EMILIN2: variants seen among roughly 807,000 people sequenced by gnomAD.
The protein encoded by EMILIN2 is EMILIN-2.
In EMILIN2, 71 loss-of-function variants were observed where a neutral mutation model predicts 87.1. The observed-to-expected ratio is 0.82, with a 90% CI of 0.67 to 0.99. The LOEUF (loss-of-function observed/expected upper bound fraction) is 0.99, where lower values mean the gene tolerates loss of function less well. Ranked by LOEUF, EMILIN2 falls within the 50% of genes least tolerant of loss-of-function variation. EMILIN2 has a pLI of 0.00. For synonymous variants in EMILIN2, 581 were observed against 563.4 expected, an observed-to-expected ratio of 1.03 and a Z score of -0.44; for missense variants, 1,407 against 1,371.8, an observed-to-expected ratio of 1.03 and a Z score of -0.40.
chr18:2,879,994 A>G (rs528551730), intron 2 of EMILIN2, among the ~76,000 whole-genome samples: 14 of 152,302 alleles, frequency 9.2e-5, no homozygotes, highest in African/African-American at 3.4e-4. Flanking sequence ...GGCATGAGCC[A>G]CTGTGCCCAG....
At chr18:2,869,860 G>A (rs891341737) in intron 2 of EMILIN2, among the ~76,000 whole-genome samples, 1 of 151,660 alleles carries the variant, frequency 6.6e-6, no homozygotes, top group Non-Finnish European at 1.5e-5. Context: ...TACAGAGTGG[G>A]CAAAATAACT....
chr18:2,912,240 C>T (rs942320236), intron 7 of EMILIN2, among the ~76,000 whole-genome samples: 8 of 151,916 alleles, frequency 5.3e-5, no homozygotes, highest in African/African-American at 9.7e-5. Flanking sequence ...TGGGGTTATC[C>T]GTGTTGGCCA....
Position 2,890,748 on chromosome 18 carries a change from A to G in EMILIN2, c.621A>G (p.Gly207=). Residue 207 remains glycine (G), a synonymous_variant, in exon 4 of 8, where the codon GGA becomes GGG. Transcript: ENST00000254528. The surrounding 1 kb of genome is among the most constrained non-coding windows in gnomAD (Gnocchi z 4.7). ...TTGACCTCCAGTCTTCCCTTGCTGG[A>G]GTGAGTGAAAATCTCAAACATGCCA... ...TVLDLQSSLA[G]VSENLKHATQ... The G allele has an allele frequency of 1.2e-6, 2 of 1,614,018 alleles. No homozygotes were observed. Among genetic ancestry groups the G allele is most frequent in the Non-Finnish European group, 1.7e-6 (2 of 1,179,950 alleles).
chr18:2,913,245 C>A lies in EMILIN2; in HGVS notation c.3003C>A (p.Thr1001=). 6.2e-7 allele frequency: 1 copy of A among 1,614,080 alleles called. No homozygotes were observed. Residue 1001 remains threonine, a synonymous_variant, in exon 8 of 8, where the codon ACC becomes ACA. Transcript: ENST00000254528. ...ACCGCCCTCCAGGAGCTTTGCATAC[C>A]TGCGGGGGCCCGGGGGCATTCCACC... ...EYHRPPGALH[T]CGGPGAFHLI...
chr18:2,889,248 C>G (rs1014110072), intron 3 of EMILIN2, among the ~76,000 whole-genome samples: 20 of 141,980 alleles, frequency 1.4e-4, no homozygotes, highest in Non-Finnish European at 2.7e-4. Flanking sequence ...AGCGATTTTT[C>G]TGTCTCAGCC....
Position 2,863,205 on chromosome 18 carries a change from G to A in EMILIN2, c.257+15274G>A, listed in dbSNP as rs370753705. On this transcript the variant is annotated intron_variant, in intron 2 of 7. Coordinates refer to ENST00000254528, the MANE Select transcript of EMILIN2 (RefSeq NM_032048.3). ...CATTGATTCTTTTGAAGGGTTTTTT[G>A]TGTCTCTATTTCCTTCAGTTCTGCT... Among the ~76,000 whole-genome samples, 10 of 152,168 alleles carry A rather than the reference G, an allele frequency of 6.6e-5. No individual in the cohort carries two copies. The East Asian group carries it at 1.9e-3, about 29-fold the overall frequency.
intron 2 of EMILIN2, among the ~76,000 whole-genome samples, chr18:2,854,064 A>G (rs2076614922): frequency 6.6e-6 from 1 of 152,158 alleles, no homozygotes; most frequent in Non-Finnish European, 1.5e-5. Context: ...AAGACATCCA[A>G]GGACCCCAGA....
intron 2 of EMILIN2, among the ~76,000 whole-genome samples, chr18:2,861,655 G>A (rs1470110009): frequency 6.6e-6 from 1 of 152,190 alleles, no homozygotes; most frequent in Non-Finnish European, 1.5e-5. Context: ...ATAGTTTGAA[G>A]TCAGGTAGTG....
chr18:2,850,986 G>C (rs1051983357), intron 2 of EMILIN2, among the ~76,000 whole-genome samples: 2 of 151,992 alleles, frequency 1.3e-5, no homozygotes, highest in African/African-American at 4.8e-5. Context: ...AGGCCATTCA[G>C]GTCAGTGGGG....
At chr18:2,887,785 A>AT (rs1313156426) in intron 3 of EMILIN2, among the ~76,000 whole-genome samples, 1 of 147,832 alleles carries the variant, frequency 6.8e-6, no homozygotes, top group South Asian at 2.4e-4. Context: ...CACTGTCATT[A>AT]TAAAAAAAAT....
chr18:2,853,589 C>T (rs1327758742), intron 2 of EMILIN2, among the ~76,000 whole-genome samples: 1 of 152,176 alleles, frequency 6.6e-6, no homozygotes, highest in Admixed American at 6.5e-5. Context: ...CATTGTTTTC[C>T]ATTCTTATAG....
chr18:2,906,758 T>C (rs1489967373), intron 4 of EMILIN2, 25 bp from the exon 5 acceptor site: 1 of 1,273,598 alleles, frequency 7.9e-7, no homozygotes, highest in Non-Finnish European at 9.9e-7. Flanking sequence ...ATCCCGTGTG[T>C]TTCTTTCTCC....
At chr18:2,897,067 C>T (rs1041551223) in intron 4 of EMILIN2, among the ~76,000 whole-genome samples, 24 of 152,118 alleles carry the variant, frequency 1.6e-4, no homozygotes, top group African/African-American at 5.1e-4. Context: ...TTGAAAAACC[C>T]AGAATAGTGG....
In EMILIN2 at chr18:2,890,681, AG is replaced by A; in HGVS notation, c.556del (p.Val186CysfsTer2). ...CAGGAACTTCAGGAAAAGAAGATAC[AG>A]GTGCTAGAGGAGAAGGTTCTTCGAC... ...GPQELQEKKIQVLEEKVLRLT... is the reference protein window; with the variant it reads ...GPQELQEKKIXVLEEKVLRLT... On this transcript the variant is annotated frameshift_variant, in exon 4 of 8. Transcript: ENST00000254528. LOFTEE classifies it high-confidence loss of function. This position sits in a 1 kb window ranked among gnomAD's most constrained non-coding sequence, Gnocchi z 4.7. 2 of 1,614,190 alleles carry A rather than the reference AG, an allele frequency of 1.2e-6. No individual in the cohort carries two copies. Among genetic ancestry groups the A allele is most frequent in the Non-Finnish European group, 1.7e-6 (2 of 1,180,028 alleles).
At chr18:2,869,785 TTTGTG>T (rs2076710144) in intron 2 of EMILIN2, among the ~76,000 whole-genome samples, 1 of 55,800 alleles carries the variant, frequency 1.8e-5, no homozygotes. Flanking sequence ...TGTGTGTGTG[TTTGTG>T]TGTGTGTGTG....
intron 2 of EMILIN2, among the ~76,000 whole-genome samples, chr18:2,872,186 G>A (rs1022913413): frequency 6.6e-6 from 1 of 152,176 alleles, no homozygotes; most frequent in African/African-American, 2.4e-5. Context: ...GTACCACCTG[G>A]TAGGCATCCA....
chr18:2,889,286 A>T (rs534598331), intron 3 of EMILIN2, among the ~76,000 whole-genome samples: 165 of 151,054 alleles, frequency 1.1e-3, no homozygotes, highest in African/African-American at 2.1e-3. Context: ...TACAGGCACC[A>T]GCCACCACAC....
intron 2 of EMILIN2, among the ~76,000 whole-genome samples, chr18:2,863,865 G>C (rs974139153): frequency 1.3e-5 from 2 of 152,118 alleles, no homozygotes; most frequent in African/African-American, 2.4e-5. Context: ...AAGTCTCTTT[G>C]TAGGTCTCTA....
chr18:2,863,957 C>A (rs2076673864), intron 2 of EMILIN2, among the ~76,000 whole-genome samples: 1 of 151,648 alleles, frequency 6.6e-6, no homozygotes, highest in South Asian at 2.1e-4. Flanking sequence ...TTGAATTGAT[C>A]CCTTTACCAT....
Sources: allele counts gnomAD v4.1 joint callset (sites outside exome capture counted in the v4.1 genomes callset), GRCh38; gene constraint gnomAD v4.1.1; non-coding constraint Gnocchi (gnomAD v3.1); transcripts MANE v1.5; gene names NCBI Gene and HGNC (gene_info 2026-07-23, HGNC 2026-07-21).